Variants in LOC400499 observed in about 807,000 individuals in gnomAD.
chr16:11,439,508 G>A, the LOC400499 span: 3 of 398,988 alleles, frequency 7.5e-6, no homozygotes, highest in Admixed American at 4.4e-5. Flanking sequence ...TGGAGGAAAT[G>A]TTGGTCCGTG....
At chr16:11,447,658 G>A in the LOC400499 span, among the ~76,000 whole-genome samples, 105 of 152,132 alleles carry the variant, frequency 6.9e-4, no homozygotes, top group Non-Finnish European at 1.3e-3. Context: ...GAATGAGCTC[G>A]TCTCTGGGAA....
chr16:11,391,640 T>C, the LOC400499 span: 13 of 1,231,878 alleles, frequency 1.1e-5, no homozygotes, highest in African/African-American at 7.8e-5. Context: ...CCGCACAGGA[T>C]TGAGCCCTCC....
chr16:11,440,724 C>T, the LOC400499 span: 28 of 399,074 alleles, frequency 7.0e-5, no homozygotes, highest in Non-Finnish European at 1.2e-4. Context: ...GTCTCCTGAC[C>T]TGGGATGTGA....
the LOC400499 span, chr16:11,491,836 G>A: frequency 5.0e-6 from 2 of 398,940 alleles, no homozygotes; most frequent in Middle Eastern, 1.3e-3. Context: ...AGACGGGAGA[G>A]CACCGATCTC....
At chr16:11,468,591 T>G in the LOC400499 span, among the ~76,000 whole-genome samples, 1 of 152,168 alleles carries the variant, frequency 6.6e-6, no homozygotes, top group Non-Finnish European at 1.5e-5. Flanking sequence ...CTCCCAACTT[T>G]CTGTAATTAC....
At chr16:11,467,762 AT>A in the LOC400499 span, among the ~76,000 whole-genome samples, 1 of 152,210 alleles carries the variant, frequency 6.6e-6, no homozygotes, top group African/African-American at 2.4e-5. Flanking sequence ...CAAACTAAAA[AT>A]ATTTGCAAAT....
the LOC400499 span, among the ~76,000 whole-genome samples, chr16:11,470,218 C>T: frequency 6.6e-6 from 1 of 152,198 alleles, no homozygotes; most frequent in Non-Finnish European, 1.5e-5. Context: ...CCTCTCCCAT[C>T]CTTTTAACCA....
the LOC400499 span, among the ~76,000 whole-genome samples, chr16:11,467,706 C>T: frequency 6.6e-6 from 1 of 152,204 alleles, no homozygotes; most frequent in Non-Finnish European, 1.5e-5. Flanking sequence ...AAACTTGTTA[C>T]ATCATCATAT....
the LOC400499 span, among the ~76,000 whole-genome samples, chr16:11,499,730 G>C: frequency 1.3e-5 from 2 of 152,142 alleles, no homozygotes; most frequent in Non-Finnish European, 1.5e-5. Flanking sequence ...CCAGCTGCCT[G>C]GCACCAGCTG....
chr16:11,485,539 G>A, the LOC400499 span, among the ~76,000 whole-genome samples: 2 of 151,934 alleles, frequency 1.3e-5, no homozygotes, highest in African/African-American at 4.8e-5. Context: ...CTTTCCTTCT[G>A]TCCCTCCCGT....
chr16:11,392,546 G>A, the LOC400499 span: 4 of 399,408 alleles, frequency 1.0e-5, no homozygotes, highest in East Asian at 1.4e-4. Flanking sequence ...CATGTCTCTG[G>A]CTGCCCACTC....
At chr16:11,446,453 C>T in the LOC400499 span, 1 of 1,150,634 alleles carries the variant, frequency 8.7e-7, no homozygotes, top group Non-Finnish European at 1.2e-6. Flanking sequence ...CCACTGCACT[C>T]AGTCCAGATA....
the LOC400499 span, chr16:11,448,780 T>G: frequency 2.0e-6 from 1 of 506,230 alleles, no homozygotes; most frequent in Non-Finnish European, 3.3e-6. Context: ...GAAAGAGAAA[T>G]AGAGGCTCCA....
the LOC400499 span, among the ~76,000 whole-genome samples, chr16:11,513,346 C>T: frequency 6.7e-6 from 1 of 148,208 alleles, no homozygotes; most frequent in Non-Finnish European, 1.5e-5. Flanking sequence ...GTTGAGACTA[C>T]AGTGAGCCAT....
At chr16:11,375,138 G>A in the LOC400499 span, among the ~76,000 whole-genome samples, 4 of 145,398 alleles carry the variant, frequency 2.8e-5, no homozygotes, top group Non-Finnish European at 3.0e-5. Flanking sequence ...GTGAGCCACT[G>A]CACCTGACCT....
chr16:11,483,662 T>C, the LOC400499 span, among the ~76,000 whole-genome samples: 6 of 145,334 alleles, frequency 4.1e-5, no homozygotes, highest in Non-Finnish European at 7.5e-5. Context: ...GCCCAGGAGG[T>C]TGATACCAGC....
chr16:11,449,585 T>G, the LOC400499 span, among the ~76,000 whole-genome samples: 1 of 152,200 alleles, frequency 6.6e-6, no homozygotes, highest in African/African-American at 2.4e-5. Flanking sequence ...TGGTTCCCTG[T>G]TGGCCACCAT....
the LOC400499 span, chr16:11,476,838 G>C: frequency 7.5e-6 from 3 of 399,436 alleles, no homozygotes; most frequent in Non-Finnish European, 1.3e-5. Flanking sequence ...TCTGCACCTG[G>C]ATCCCGCCAT....
At chr16:11,478,704 AG>A in the LOC400499 span, 2 of 399,086 alleles carry the variant, frequency 5.0e-6, no homozygotes, top group Non-Finnish European at 4.4e-6. Context: ...GAGCCCAGAC[AG>A]GTCACAAAGA....
Sources: gnomAD v4.1 joint callset for allele counts (sites outside exome capture counted in the v4.1 genomes callset) on GRCh38, gnomAD v4.1.1 for gene constraint, MANE v1.5 for transcripts.